Variants in CCNE1 observed in about 807,000 individuals in gnomAD.
The protein encoded by CCNE1 is G1/S-specific cyclin-E1.
CCNE1 carries 8 observed loss-of-function variants against 54.1 expected under a neutral mutation model. That is an observed-to-expected ratio of 0.15 (90% CI 0.09 to 0.27). CCNE1 has a LOEUF of 0.27. Among genes scored for constraint, CCNE1 ranks in the 10% least tolerant of loss-of-function variants. The pLI, the probability that CCNE1 is intolerant of heterozygous loss-of-function variation, is 1.00. For synonymous variants in CCNE1, 179 were observed against 185.2 expected, an observed-to-expected ratio of 0.97 and a Z score of 0.27; for missense variants, 430 against 514.9, an observed-to-expected ratio of 0.84 and a Z score of 1.60.
Position 29,817,207 on chromosome 19 carries a change from A to T in CCNE1, c.251A>T (p.Asp84Val). The part of the protein sequence containing the change: ...LIPTPDKEDD[D>V]RVYPNSTCKP... ...CCCACACCTGACAAAGAAGATGATG[A>T]CCGGGTTTACCCAAACTCAACGTGC... is the stretch of plus-strand genomic sequence containing the variant. The change falls in exon 5 of 12, where the codon GAC becomes GTC. Residue 84 changes from aspartate (D) to valine (V), a missense_variant. Coordinates refer to ENST00000262643, the MANE Select transcript of CCNE1 (RefSeq NM_001238.4). The T allele has an allele frequency of 6.2e-7, 1 of 1,614,196 alleles. No individual in the cohort carries two copies. The highest frequency in any genetic ancestry group is 8.5e-7 in the Non-Finnish European group (1 of 1,180,036).
At chr19:29,821,571 T>C (rs1187757160) in intron 7 of CCNE1, 151 bp from the exon 8 acceptor site, 2 of 173,484 alleles carry the variant, frequency 1.2e-5, no homozygotes, top group Admixed American at 8.8e-5. Context: ...TTTTTTTTTT[T>C]ACAACCATTG....
chr19:29,820,536 A>G (rs568041537), intron 6 of CCNE1, among the ~76,000 whole-genome samples, 166 bp from the exon 7 acceptor site: 18 of 151,856 alleles, frequency 1.2e-4, no homozygotes, highest in Non-Finnish European at 2.2e-4. Flanking sequence ...GGGTGACAGA[A>G]TAAGGCACCT....
At chr19:29,817,702 C>G (rs552299741) in intron 6 of CCNE1, 161 bp downstream of exon 6, 467 of 743,896 alleles carry the variant, frequency 6.3e-4, no homozygotes, top group South Asian at 1.3e-3. Context: ...TGCTTGTATT[C>G]TTAGCAAGAA....
chr19:29,820,576 T>C, intron 6 of CCNE1, 126 bp from the exon 7 acceptor site: 1 of 675,720 alleles, frequency 1.5e-6, no homozygotes, highest in African/African-American at 1.9e-5. Context: ...CAAAAAACTA[T>C]CAATTGTTGA....
intron 4 of CCNE1, 110 bp downstream of exon 4, chr19:29,813,147 C>G (rs1441487537): frequency 1.0e-6 from 1 of 984,664 alleles, no homozygotes; most frequent in African/African-American, 1.6e-5. Flanking sequence ...GAGTGAACTT[C>G]TCTAATGCAG....
Position 29,823,846 on chromosome 19 carries a change from G to A in CCNE1, c.*69G>A. On this transcript the variant is annotated 3_prime_UTR_variant, in exon 12 of 12. Coordinates refer to ENST00000262643, the MANE Select transcript of CCNE1 (RefSeq NM_001238.4). ...ACGTTCTCTTCTGTCTGTTGCAGCG[G>A]AGGCGTGCGTTTGCTTTTACAGATA... 3 of 1,486,938 alleles carry A rather than the reference G, an allele frequency of 2.0e-6. No individual in the cohort carries two copies. Among genetic ancestry groups the A allele is most frequent in the Non-Finnish European group, 2.7e-6 (3 of 1,106,468 alleles). The allele number at this position is 1,486,938 out of a possible 1,614,324, so 92.1% of individuals were successfully genotyped here.
At position 29,821,971 on chromosome 19, in the gene CCNE1, C is replaced by A. The variant is rs752672585; in HGVS notation, c.706-25C>A. ...TGAACTTCTTTTCTCAATCATCGGTCTCTTTTCTCTCTGTTTTCCTTTAGG... is the reference window on the plus strand; with the variant it reads ...TGAACTTCTTTTCTCAATCATCGGTATCTTTTCTCTCTGTTTTCCTTTAGG... On this transcript the variant is annotated intron_variant, in intron 8 of 11. Transcript: ENST00000262643. 11 of 1,597,040 alleles carry A rather than the reference C, an allele frequency of 6.9e-6. No homozygotes were observed. In the Admixed American group the frequency reaches 1.9e-4, roughly 28 times the overall value.
rs753981232 is a variant in CCNE1, at chr19:29,823,679, ATGT to A, written c.1139_1141del (p.Leu380del). The A allele has an allele frequency of 1.9e-6, 3 of 1,614,142 alleles. No homozygotes were observed. In the East Asian group the frequency reaches 6.7e-5, roughly 36 times the overall value. ...GGACAAAGCCCGAGCAAAGAAAGCC[ATGT>A]TGTCTGAACAAAATAGGGCTTCTCC... On this transcript the variant is annotated inframe_deletion, in exon 12 of 12. Transcript: ENST00000262643.
chr19:29,823,061 G>A (rs540553553), intron 11 of CCNE1, among the ~76,000 whole-genome samples: 1 of 151,940 alleles, frequency 6.6e-6, no homozygotes, highest in East Asian at 1.9e-4. Flanking sequence ...AATTGATGCT[G>A]TATCTCACTA....
Position 29,812,601 on chromosome 19 carries a change from CGGACGGGACG to C in CCNE1, c.23+41_23+50del, listed in dbSNP as rs567572959. 7.8e-4 allele frequency: 1,200 copies of C among 1,533,548 alleles called. 4 individuals carry two copies. The highest frequency in any genetic ancestry group is 2.5e-3 in the African/African-American group (179 of 72,188). 95.0% of individuals were successfully genotyped at this position (1,533,548 alleles called of 1,614,324 possible). ...GCGGTGAGTGCCCGCGCCGCGGGGC[CGGACGGGACG>C]GGACGGGACGGGACGGGTGGCGTGG... On this transcript the variant is annotated intron_variant, in intron 2 of 11. Transcript: ENST00000262643.
At chr19:29,821,577 C>T in intron 7 of CCNE1, 145 bp from the exon 8 acceptor site, 1 of 212,086 alleles carries the variant, frequency 4.7e-6, no homozygotes, top group Middle Eastern at 1.8e-3. Context: ...TTTTTACAAC[C>T]ATTGGTGTGG....
At chr19:29,819,257 C>T (rs576760471) in intron 6 of CCNE1, among the ~76,000 whole-genome samples, 3 of 151,698 alleles carry the variant, frequency 2.0e-5, no homozygotes, top group African/African-American at 7.3e-5. Context: ...TTTTTTTAAG[C>T]ATATTTTTAA....
chr19:29,823,997 C>T lies in CCNE1; in HGVS notation c.*220C>T. 1 of 438,316 alleles carries T rather than the reference C, an allele frequency of 2.3e-6. No homozygotes were observed. Among genetic ancestry groups the T allele is most frequent in the South Asian group, 5.0e-5 (1 of 20,178 alleles). 27.2% of individuals were successfully genotyped at this position (438,316 alleles called of 1,614,324 possible). ...ATAAGTGGGTCAAGTACACCAGCCA[C>T]CTCCAGACACCAGTGCGTGCTCCCG... On this transcript the variant is annotated 3_prime_UTR_variant, in exon 12 of 12. Transcript: ENST00000262643.
At chr19:29,814,409 G>A (rs1332415549) in intron 4 of CCNE1, among the ~76,000 whole-genome samples, 2 of 152,202 alleles carry the variant, frequency 1.3e-5, no homozygotes, top group Non-Finnish European at 2.9e-5. Context: ...TGACGAGGGT[G>A]CCTCCTGGGA....
In CCNE1 at chr19:29,817,557, C is replaced by A. The variant is rs1974053625; in HGVS notation, c.462+16C>A. The A allele has an allele frequency of 3.7e-6, 6 of 1,613,986 alleles. No homozygotes were observed. The highest frequency in any genetic ancestry group is 1.6e-4 in the Middle Eastern group (1 of 6,084). ...GTTAATGGAGGTGAGCTTGAGTCTT[C>A]CTGTTCGCTTCATGAAAGCACTGAG... On this transcript the variant is annotated intron_variant, in intron 6 of 11. Transcript: ENST00000262643.
intron 4 of CCNE1, among the ~76,000 whole-genome samples, chr19:29,813,581 C>T (rs1973944019): frequency 1.3e-5 from 2 of 152,162 alleles, no homozygotes; most frequent in Non-Finnish European, 1.5e-5. Flanking sequence ...GTTCTTATAG[C>T]CCCTCCAGCA....
Position 29,817,466 on chromosome 19 carries a change from G to A in CCNE1, c.387G>A (p.Arg129=). The A allele has an allele frequency of 6.2e-7, 1 of 1,614,120 alleles. No homozygotes were observed. Among genetic ancestry groups the A allele is most frequent in the Non-Finnish European group, 8.5e-7 (1 of 1,180,014 alleles). ...TAAACAAGGAAAAGACATACTTAAG[G>A]GATCAGCACTTTCTTGAGCAACACC... is the stretch of plus-strand genomic sequence containing the variant. ...IMLNKEKTYL[R]DQHFLEQHPL... is the part of the protein sequence containing the mutation. The change falls in exon 6 of 12, where the codon AGG becomes AGA. Residue 129 remains arginine (R), a synonymous_variant. Coordinates refer to ENST00000262643, the MANE Select transcript of CCNE1 (RefSeq NM_001238.4).
intron 3 of CCNE1, 76 bp from the exon 4 acceptor site, chr19:29,812,893 C>T (rs1973928019): frequency 6.3e-7 from 1 of 1,598,112 alleles, no homozygotes; most frequent in Admixed American, 1.7e-5. Context: ...ATAACCTGAT[C>T]AGCTTTCTCT....
intron 4 of CCNE1, 76 bp downstream of exon 4, chr19:29,813,113 C>A: frequency 7.4e-7 from 1 of 1,352,452 alleles, no homozygotes; most frequent in Non-Finnish European, 1.1e-6. Flanking sequence ...GCTGTCTTGT[C>A]TCTTGCTGGA....
Sources: gnomAD v4.1 joint callset for allele counts (sites outside exome capture counted in the v4.1 genomes callset) on GRCh38, gnomAD v4.1.1 for gene constraint, MANE v1.5 for transcripts, NCBI Gene and HGNC (gene_info 2026-07-23, HGNC 2026-07-21) for gene names.